Variants in MAP4K3 observed in about 807,000 individuals in gnomAD.
MAP4K3 encodes the protein MAPK/ERK kinase kinase kinase 3.
In MAP4K3, 94 loss-of-function variants were observed where a neutral mutation model predicts 143.5. The observed-to-expected ratio is 0.65, with a 90% CI of 0.55 to 0.78. MAP4K3 has a LOEUF of 0.78. MAP4K3 is among the 30% of genes least tolerant of loss of function. The pLI, the probability that MAP4K3 is intolerant of heterozygous loss-of-function variation, is 0.00. For missense variants in MAP4K3, 1,077 were observed against 1,068.1 expected, an observed-to-expected ratio of 1.01 and a Z score of -0.12; for synonymous variants, 416 against 347.2, an observed-to-expected ratio of 1.20 and a Z score of -2.20.
At chr2:39,360,456 T>C (rs1178501065) in intron 2 of MAP4K3, among the ~76,000 whole-genome samples, 1 of 152,206 alleles carries the variant, frequency 6.6e-6, no homozygotes, top group Non-Finnish European at 1.5e-5. Flanking sequence ...CTTTTCTTCT[T>C]CTGAGCCCTC....
intron 2 of MAP4K3, among the ~76,000 whole-genome samples, chr2:39,362,331 T>C (rs1229320319): frequency 2.6e-5 from 4 of 152,256 alleles, no homozygotes; most frequent in South Asian, 2.1e-4. Context: ...ACATTGCATA[T>C]AGAAAGCTCT....
At chr2:39,283,645 T>C (rs1042478116) in intron 21 of MAP4K3, 2 of 152,234 alleles carry the variant, frequency 1.3e-5, no homozygotes, top group Non-Finnish European at 2.9e-5. Context: ...AATATATTAA[T>C]CATTGGTTAG....
chr2:39,395,442 CT>C (rs1337884254), intron 1 of MAP4K3, among the ~76,000 whole-genome samples: 1 of 152,048 alleles, frequency 6.6e-6, no homozygotes, highest in Non-Finnish European at 1.5e-5. Flanking sequence ...GCTTTTTAAT[CT>C]GAAAAAGAAA....
intron 24 of MAP4K3, among the ~76,000 whole-genome samples, chr2:39,275,071 T>C (rs949462154): frequency 1.3e-5 from 2 of 152,140 alleles, no homozygotes; most frequent in Admixed American, 6.5e-5. Flanking sequence ...GAGGGAAAAA[T>C]GTTTCCTTTG....
intron 1 of MAP4K3, among the ~76,000 whole-genome samples, chr2:39,400,145 G>A (rs1666915268): frequency 6.6e-6 from 1 of 152,114 alleles, no homozygotes; most frequent in African/African-American, 2.4e-5. Flanking sequence ...GCCCAAGGGA[G>A]AACGCTATAA....
intron 1 of MAP4K3, among the ~76,000 whole-genome samples, chr2:39,408,913 C>A (rs546864002): frequency 7.7e-4 from 118 of 152,294 alleles, no homozygotes; most frequent in African/African-American, 2.5e-3. Flanking sequence ...TCCCATGATA[C>A]AGGCACTGAA....
At chr2:39,257,796 CAAAAAA>C (rs1285158564) in intron 31 of MAP4K3, among the ~76,000 whole-genome samples, 1 of 59,672 alleles carries the variant, frequency 1.7e-5, no homozygotes, top group Admixed American at 1.9e-4. Flanking sequence ...CACTCCATCT[CAAAAAA>C]AAAAAAAAAA....
chr2:39,250,082 A>C lies in MAP4K3; in HGVS notation c.*536T>G, dbSNP rs924140378. 7.4e-5 allele frequency: 11 copies of C among 148,186 alleles called. No individual in the cohort carries two copies. Among genetic ancestry groups the C allele is most frequent in the Admixed American group, 7.3e-4 (11 of 15,004 alleles). 9.2% of individuals were successfully genotyped at this position (148,186 alleles called of 1,614,324 possible). A position where few individuals can be genotyped will look rare whatever the true frequency, so the allele number is the denominator to read the frequency against. Reference sequence around the variant, plus strand: ...GCATTAAAATTAAAAAGATTATAAAATGATTACAGCCTCCATTACAATTTT... The same window carrying C: ...GCATTAAAATTAAAAAGATTATAAACTGATTACAGCCTCCATTACAATTTT... On this transcript the variant is annotated 3_prime_UTR_variant, in exon 34 of 34. Coordinates refer to ENST00000263881, the MANE Select transcript of MAP4K3 (RefSeq NM_003618.4).
chr2:39,426,972 G>A (rs546262507), intron 1 of MAP4K3, among the ~76,000 whole-genome samples: 8 of 152,026 alleles, frequency 5.3e-5, no homozygotes, highest in African/African-American at 1.9e-4. Context: ...CTACTCTTCA[G>A]ATTAAAGAAA....
chr2:39,358,755 T>C (rs533029481), intron 2 of MAP4K3, among the ~76,000 whole-genome samples: 1 of 152,288 alleles, frequency 6.6e-6, no homozygotes, highest in African/African-American at 2.4e-5. Flanking sequence ...TTAAAGAACT[T>C]TGTTCAAGGC....
intron 1 of MAP4K3, among the ~76,000 whole-genome samples, chr2:39,401,602 C>A (rs1045272769): frequency 2.6e-5 from 4 of 152,012 alleles, no homozygotes. Context: ...GAGTTTGAGA[C>A]CAGCCTGGGT....
At position 39,269,470 on chromosome 2, in the gene MAP4K3, C is replaced by CTTTTTTTTTTT. The variant is rs59479315; in HGVS notation, c.1974-2234_1974-2224dup. ...CTGAAGCTTAGATTTTTGCTCAGGT[C>CTTTTTTTTTTT]TTTTTTTTTTTTTTTTTTTTTGGAG... On this transcript the variant is annotated intron_variant, in intron 26 of 33. Transcript: ENST00000263881. Among the ~76,000 whole-genome samples, 5 of 89,676 alleles carry CTTTTTTTTTTT rather than the reference C, an allele frequency of 5.6e-5. 1 individual carries two copies. Among genetic ancestry groups the CTTTTTTTTTTT allele is most frequent in the Admixed American group, 1.5e-4 (1 of 6,644 alleles). The allele number at this position is 89,676 out of a possible 152,430, so 58.8% of individuals were successfully genotyped here.
At chr2:39,272,048 G>T in intron 26 of MAP4K3, 1 of 347,946 alleles carries the variant, frequency 2.9e-6, no homozygotes, top group Non-Finnish European at 5.1e-6. Flanking sequence ...TTTTAAACTT[G>T]CAGAAAAAGA....
chr2:39,364,632 C>A (rs896089049), intron 2 of MAP4K3, among the ~76,000 whole-genome samples: 1 of 152,222 alleles, frequency 6.6e-6, no homozygotes, highest in Non-Finnish European at 1.5e-5. Context: ...CTTTGGAAGT[C>A]CAAGGTGGGT....
intron 1 of MAP4K3, among the ~76,000 whole-genome samples, chr2:39,389,343 T>A (rs1666591694): frequency 6.6e-6 from 1 of 151,776 alleles, no homozygotes; most frequent in Non-Finnish European, 1.5e-5. Context: ...AAAATATACA[T>A]CTAATTAAAC....
At chr2:39,409,066 T>C (rs376570764) in intron 1 of MAP4K3, among the ~76,000 whole-genome samples, 2 of 152,210 alleles carry the variant, frequency 1.3e-5, no homozygotes, top group African/African-American at 2.4e-5. Flanking sequence ...TCTGCCACCC[T>C]GACAGCAAAA....
At chr2:39,311,774 G>C (rs981606933) in intron 13 of MAP4K3, among the ~76,000 whole-genome samples, 1 of 152,214 alleles carries the variant, frequency 6.6e-6, no homozygotes, top group Non-Finnish European at 1.5e-5. Context: ...AACTTTATGA[G>C]ACCTTGAGCC....
chr2:39,282,381 A>T, intron 22 of MAP4K3, 132 bp downstream of exon 22: 1 of 739,476 alleles, frequency 1.4e-6, no homozygotes, highest in Non-Finnish European at 2.3e-6. Flanking sequence ...GCCTGTAATT[A>T]AATTAGCAAT....
chr2:39,251,544 A>G (rs1398081267), intron 33 of MAP4K3, among the ~76,000 whole-genome samples: 2 of 152,206 alleles, frequency 1.3e-5, no homozygotes, highest in Non-Finnish European at 2.9e-5. Context: ...TTAACAACAC[A>G]AAGTTCTGTT....
Sources: gnomAD v4.1 joint callset for allele counts (sites outside exome capture counted in the v4.1 genomes callset) on GRCh38, gnomAD v4.1.1 for gene constraint, MANE v1.5 for transcripts, NCBI Gene and HGNC (gene_info 2026-07-23, HGNC 2026-07-21) for gene names.